The following KCNIP4 variants were observed in gnomAD, a reference collection of about 807,000 sequenced individuals.
KCNIP4 encodes the protein Kv channel-interacting protein 4.
Under a neutral mutation model 34.0 loss-of-function variants are expected in KCNIP4, and 12 were observed. The ratio of observed to expected loss-of-function variants is 0.35; its 90% CI spans 0.23 to 0.57. The LOEUF (loss-of-function observed/expected upper bound fraction) is 0.57, where lower values mean the gene tolerates loss of function less well. Ranked by LOEUF, KCNIP4 falls within the 20% of genes least tolerant of loss-of-function variation. KCNIP4 has a pLI of 0.83. For missense variants in KCNIP4, 238 were observed against 311.7 expected (o/e 0.76, Z 1.78); for synonymous variants, 124 against 102.2 (o/e 1.21, Z -1.29).
intron 1 of KCNIP4, among the ~76,000 whole-genome samples, chr4:21,044,058 C>T (rs1263349206): frequency 1.3e-5 from 2 of 152,076 alleles, no homozygotes; most frequent in African/African-American, 2.4e-5. Flanking sequence ...TTTGACTTAT[C>T]AAACATCTGA....
At chr4:21,572,993 A>C (rs1356843942) in intron 1 of KCNIP4, among the ~76,000 whole-genome samples, 1 of 152,036 alleles carries the variant, frequency 6.6e-6, no homozygotes, top group Non-Finnish European at 1.5e-5. Flanking sequence ...TCTTAGTTGT[A>C]CTACAAGATT....
At chr4:21,653,494 C>A (rs1019140608) in intron 1 of KCNIP4, among the ~76,000 whole-genome samples, 1 of 152,096 alleles carries the variant, frequency 6.6e-6, no homozygotes, top group Non-Finnish European at 1.5e-5. Flanking sequence ...TGTACATAAT[C>A]GTGGGTATAC....
At chr4:21,471,706 T>G (rs773169141) in intron 1 of KCNIP4, among the ~76,000 whole-genome samples, 9 of 152,170 alleles carry the variant, frequency 5.9e-5, no homozygotes, top group Non-Finnish European at 1.0e-4. Context: ...GGAACAGATA[T>G]TCCCATTTCA....
At chr4:20,864,059 CATGT>C (rs1560525050) in intron 2 of KCNIP4, among the ~76,000 whole-genome samples, 1 of 127,818 alleles carries the variant, frequency 7.8e-6, no homozygotes, top group Non-Finnish European at 1.7e-5. Context: ...TATGTATACA[CATGT>C]ATGTATACGT....
In KCNIP4 at chr4:20,874,860, G is replaced by T. The variant is rs374170999; in HGVS notation, c.163+7748C>A. ...TAAAACATATAGCCAATATCTGAAC[G>T]ATAGGGCCAATTGGTATTACAGCAG... On this transcript the variant is annotated intron_variant, in intron 2 of 8. Coordinates refer to ENST00000382152, the MANE Select transcript of KCNIP4 (RefSeq NM_025221.6). 5.3e-5 allele frequency among the ~76,000 whole-genome samples: 8 copies of T among 152,224 alleles called. No individual in the cohort carries two copies. The South Asian group carries it at 1.7e-3, about 32-fold the overall frequency.
chr4:21,005,134 T>C (rs778637893), intron 1 of KCNIP4, among the ~76,000 whole-genome samples: 4 of 152,196 alleles, frequency 2.6e-5, no homozygotes, highest in Non-Finnish European at 5.9e-5. Flanking sequence ...CAGAGGTTCC[T>C]TGTAAAAACA....
At chr4:21,032,585 C>G (rs1266513070) in intron 1 of KCNIP4, among the ~76,000 whole-genome samples, 1 of 151,980 alleles carries the variant, frequency 6.6e-6, no homozygotes, top group South Asian at 2.1e-4. Flanking sequence ...TTAGAGAGCC[C>G]AGAAAGTCCT....
intron 1 of KCNIP4, among the ~76,000 whole-genome samples, chr4:21,602,595 T>G (rs980164200): frequency 1.3e-5 from 2 of 152,190 alleles, no homozygotes; most frequent in Non-Finnish European, 2.9e-5. Context: ...AATCCTCAAG[T>G]ACAATGATTC....
intron 1 of KCNIP4, among the ~76,000 whole-genome samples, chr4:21,477,990 T>C (rs1731127422): frequency 6.6e-6 from 1 of 152,222 alleles, no homozygotes; most frequent in African/African-American, 2.4e-5. Flanking sequence ...CTATCTTCAA[T>C]GTATCTAGCC....
In KCNIP4 at chr4:20,852,510, G is replaced by A. The variant is rs374396429; in HGVS notation, c.164-1843C>T. Among the ~76,000 whole-genome samples the A allele has an allele frequency of 1.4e-4, 22 of 152,218 alleles. 2 individuals carry two copies. The highest frequency in any genetic ancestry group is 5.1e-4 in the African/African-American group (21 of 41,532). ...AAAAGCCATCTATGACACACCCACA[G>A]CCAACATAATATTGAGTGGGGAAAA... On this transcript the variant is annotated intron_variant, in intron 2 of 8. Coordinates refer to ENST00000382152, the MANE Select transcript of KCNIP4 (RefSeq NM_025221.6).
At chr4:21,356,556 C>G (rs1239697734) in intron 1 of KCNIP4, among the ~76,000 whole-genome samples, 1 of 152,118 alleles carries the variant, frequency 6.6e-6, no homozygotes, top group African/African-American at 2.4e-5. Context: ...TGAGTGAACT[C>G]CCATTCACAA....
rs544870747 is a variant in KCNIP4 at position 21,545,025 on chromosome 4, A to G, written c.61+403546T>C. Among the ~76,000 whole-genome samples, 12 of 152,216 alleles carry G rather than the reference A, an allele frequency of 7.9e-5. 1 individual carries two copies. Among genetic ancestry groups the G allele is most frequent in the African/African-American group, 2.6e-4 (11 of 41,530 alleles). ...CCCAGGAGGTTAGGCATTCTAAGTC[A>G]CAGGATGAAATAGGAGGTCAGCACA... On this transcript the variant is annotated intron_variant, in intron 1 of 8. Coordinates refer to ENST00000382152, the MANE Select transcript of KCNIP4 (RefSeq NM_025221.6).
chr4:21,685,954 A>T (rs901839958), intron 1 of KCNIP4, among the ~76,000 whole-genome samples: 1 of 152,232 alleles, frequency 6.6e-6, no homozygotes, highest in Admixed American at 6.5e-5. Context: ...AATTCAGTAG[A>T]CACAGCATAA....
At position 21,268,327 on chromosome 4, in the gene KCNIP4, T is replaced by G. The variant is rs190897338; in HGVS notation, c.62-385618A>C. On this transcript the variant is annotated intron_variant, in intron 1 of 8. Coordinates refer to ENST00000382152, the MANE Select transcript of KCNIP4 (RefSeq NM_025221.6). ...AGTCTCTGGGTGCACATAAACAGGT[T>G]TTACTGATCTTTTAATGGAACCAAC... is the stretch of plus-strand genomic sequence containing the variant. Among the ~76,000 whole-genome samples the G allele has an allele frequency of 3.6e-3, 548 of 152,224 alleles. 2 individuals are homozygous for G. Among genetic ancestry groups the G allele is most frequent in the Middle Eastern group, 0.01 (3 of 294 alleles).
chr4:21,935,962 T>TTATATATATATA lies in KCNIP4; in HGVS notation c.61+12597_61+12608dup, dbSNP rs55704216. On this transcript the variant is annotated intron_variant, in intron 1 of 8. Coordinates refer to ENST00000382152, the MANE Select transcript of KCNIP4 (RefSeq NM_025221.6). ...CAAATATACCCAAAAGAAATGAAGA[T>TTATATATATATA]TATATATATATATATATGCGCACAT... Among the ~76,000 whole-genome samples the TTATATATATATA allele has an allele frequency of 5.9e-3, 877 of 148,010 alleles. 8 individuals are homozygous for TTATATATATATA. The highest frequency in any genetic ancestry group is 0.02 in the African/African-American group (819 of 40,464).
At chr4:21,290,025 TTTTC>T (rs1763344524) in intron 1 of KCNIP4, among the ~76,000 whole-genome samples, 1 of 152,260 alleles carries the variant, frequency 6.6e-6, no homozygotes, top group Admixed American at 6.5e-5. Context: ...AAAAAATAGC[TTTTC>T]TTTTAGTTAA....
At chr4:21,257,520 A>G (rs1220525295) in intron 1 of KCNIP4, among the ~76,000 whole-genome samples, 1 of 151,942 alleles carries the variant, frequency 6.6e-6, no homozygotes, top group Admixed American at 6.6e-5. Context: ...GGCTGAGGCA[A>G]GTGGATCACC....
intron 1 of KCNIP4, among the ~76,000 whole-genome samples, chr4:21,608,323 CCT>C (rs1743877330): frequency 6.6e-6 from 1 of 152,186 alleles, no homozygotes; most frequent in African/African-American, 2.4e-5. Flanking sequence ...CTTTCTGAAA[CCT>C]CTAGAGGAAT....
At chr4:21,884,647 G>C (rs1419338064) in intron 1 of KCNIP4, among the ~76,000 whole-genome samples, 2 of 152,224 alleles carry the variant, frequency 1.3e-5, no homozygotes, top group East Asian at 3.9e-4. Flanking sequence ...GAGGGATGGA[G>C]AGAATCCATT....
Sources: gnomAD v4.1 joint callset for allele counts (sites outside exome capture counted in the v4.1 genomes callset) on GRCh38, gnomAD v4.1.1 for gene constraint, MANE v1.5 for transcripts, NCBI Gene and HGNC (gene_info 2026-07-23, HGNC 2026-07-21) for gene names.